TJP2: variants seen among roughly 807,000 people sequenced by gnomAD.
TJP2 encodes the protein Friedreich ataxia region gene X104 (tight junction protein ZO-2).
TJP2 carries 91 observed loss-of-function variants against 133.1 expected under a neutral mutation model. The ratio of observed to expected loss-of-function variants is 0.68; its 90% confidence interval spans 0.58 to 0.81. The LOEUF (loss-of-function observed/expected upper bound fraction) is 0.81. Among genes scored for constraint, TJP2 ranks in the 40% least tolerant of loss-of-function variants. TJP2 has a pLI of 0.00. For synonymous variants in TJP2, 592 were observed against 583.4 expected (o/e 1.01, Z -0.21); for missense variants, 1,541 against 1,565.6 (o/e 0.98, Z 0.26).
chr9:69,253,822 A>G (rs990502253), intron 22 of TJP2: 3 of 303,176 alleles, frequency 9.9e-6, no homozygotes, highest in Non-Finnish European at 1.9e-5. Flanking sequence ...CTTCTTTACC[A>G]GCTGAGTGGT....
At chr9:69,123,109 C>T (rs1014135024) in intron 1 of TJP2, among the ~76,000 whole-genome samples, 5 of 152,116 alleles carry the variant, frequency 3.3e-5, no homozygotes, top group African/African-American at 7.2e-5. Context: ...GAAGTACTGG[C>T]CTAGGTATGT....
intron 1 of TJP2, among the ~76,000 whole-genome samples, chr9:69,192,702 A>G (rs1588018232): frequency 1.3e-5 from 2 of 152,178 alleles, no homozygotes; most frequent in Non-Finnish European, 2.9e-5. Flanking sequence ...TGCATACCCT[A>G]ATGCCAGTTT....
intron 2 of TJP2, among the ~76,000 whole-genome samples, chr9:69,164,854 G>T (rs151184283): frequency 0.1 from 15,554 of 152,090 alleles, 879 homozygotes; most frequent in South Asian, 0.17. Context: ...TTTTGAGATG[G>T]AGTCTTGCTC....
At chr9:69,145,770 G>T in intron 1 of TJP2, 1 of 1,232,072 alleles carries the variant, frequency 8.1e-7, no homozygotes, top group East Asian at 3.2e-5. Flanking sequence ...TAACAAAAGA[G>T]AACTTCTACC....
rs1829248646 is a variant in TJP2 at position 69,225,273 on chromosome 9, A to G, written c.953-31A>G. Reference sequence around the variant, plus strand: ...TAAGTTTTTTGAACAAATTGATAACATACGTGTATGTTTATGTGTTTGTCT... The same window carrying G: ...TAAGTTTTTTGAACAAATTGATAACGTACGTGTATGTTTATGTGTTTGTCT... On this transcript the variant is annotated intron_variant, in intron 5 of 22. Coordinates refer to ENST00000377245, the MANE Select transcript of TJP2 (RefSeq NM_004817.4). 1.1e-5 allele frequency: 15 copies of G among 1,410,452 alleles called. No individual in the cohort carries two copies. In the East Asian group the frequency reaches 3.2e-4, roughly 30 times the overall value. 87.4% of individuals were successfully genotyped at this position (1,410,452 alleles called of 1,614,324 possible). A position where few individuals can be genotyped will look rare whatever the true frequency, so the allele number is the denominator to read the frequency against.
At chr9:69,132,613 T>TA (rs1327477366) in intron 1 of TJP2, among the ~76,000 whole-genome samples, 1 of 152,220 alleles carries the variant, frequency 6.6e-6, no homozygotes, top group Non-Finnish European at 1.5e-5. Flanking sequence ...ATTCATCCAT[T>TA]TATTCATTCT....
chr9:69,133,964 C>CT (rs373885304), intron 1 of TJP2, among the ~76,000 whole-genome samples: 69,675 of 151,768 alleles, frequency 0.46, 16,142 homozygotes, highest in East Asian at 0.62. Context: ...AGTACTTTCT[C>CT]TTTTCTCTCT....
intron 1 of TJP2, among the ~76,000 whole-genome samples, chr9:69,189,881 A>G (rs1826097585): frequency 9.1e-6 from 1 of 109,870 alleles, no homozygotes; most frequent in African/African-American, 3.4e-5. Context: ...GCCGAGGTGG[A>G]CGGATCATGA....
Position 69,246,806 on chromosome 9 carries a change from A to G in TJP2, c.2667+16A>G. The G allele has an allele frequency of 6.2e-7, 1 of 1,607,186 alleles. No homozygotes were observed. The highest frequency in any genetic ancestry group is 1.3e-5 in the African/African-American group (1 of 74,936). On this transcript the variant is annotated intron_variant, in intron 18 of 22. Transcript: ENST00000377245. The stretch of plus-strand genomic sequence containing the variant: ...TGAAGGAAAGGTATGTGGCATAGAT[A>G]TGCTGCTATGAGGTGAGAGTCCCTG...
chr9:69,233,398 ATAT>A (rs537194091), intron 11 of TJP2, among the ~76,000 whole-genome samples: 122 of 152,374 alleles, frequency 8.0e-4, no homozygotes, highest in Admixed American at 1.9e-3. Flanking sequence ...TTTCTACAAA[ATAT>A]TATTAACATA....
At chr9:69,240,280 C>T in intron 17 of TJP2, 133 bp downstream of exon 17, 1 of 940,634 alleles carries the variant, frequency 1.1e-6, no homozygotes, top group Non-Finnish European at 1.6e-6. Context: ...ATAGTTAATC[C>T]TATAAAATGG....
At chr9:69,121,356 A>G (rs1822129282), upstream of TJP2, 5 of 985,214 alleles carry the variant, frequency 5.1e-6, no homozygotes, top group Non-Finnish European at 6.0e-6. Context: ...CTCCGGTCTC[A>G]AGGAAGCAGG....
chr9:69,151,680 C>T (rs770567894), exon 2 of TJP2: 998 of 1,231,898 alleles, frequency 8.1e-4, no homozygotes, highest in Non-Finnish European at 9.5e-4. Flanking sequence ...CTGTCATCTC[C>T]CTGTGAGTGG....
intron 1 of TJP2, among the ~76,000 whole-genome samples, chr9:69,146,567 A>G (rs1379013408): frequency 6.6e-6 from 1 of 152,218 alleles, no homozygotes; most frequent in African/African-American, 2.4e-5. Context: ...AGCAATGTAC[A>G]TTCATTATAG....
intron 4 of TJP2, among the ~76,000 whole-genome samples, chr9:69,219,453 C>T (rs1828642343): frequency 6.6e-6 from 1 of 152,178 alleles, no homozygotes; most frequent in Non-Finnish European, 1.5e-5. Flanking sequence ...AGGAAAGTTA[C>T]AGACATGACA....
chr9:69,254,818 A>G lies in TJP2; in HGVS notation c.*444A>G. ...AAATTCAAAGAAGTACTTTATTGCAACTCTTTTAAGTGCCTTGGATGAGAA... is the reference window on the plus strand; with the variant it reads ...AAATTCAAAGAAGTACTTTATTGCAGCTCTTTTAAGTGCCTTGGATGAGAA... On this transcript the variant is annotated 3_prime_UTR_variant, in exon 23 of 23. Coordinates refer to ENST00000377245, the MANE Select transcript of TJP2 (RefSeq NM_004817.4). 1 of 462,646 alleles carries G rather than the reference A, an allele frequency of 2.2e-6. No individual in the cohort carries two copies. The highest frequency in any genetic ancestry group is 3.8e-6 in the Non-Finnish European group (1 of 264,628). 28.7% of individuals were successfully genotyped at this position (462,646 alleles called of 1,614,324 possible).
rs998383933 is a variant in TJP2 at position 69,153,147 on chromosome 9, C to T, written c.-10+1376C>T. ...ACATGAGAAGCTGAGGTGGGAGGATCGCTTGAGCCCAGGAATTCGAGGCTG... is the reference window on the plus strand; with the variant it reads ...ACATGAGAAGCTGAGGTGGGAGGATTGCTTGAGCCCAGGAATTCGAGGCTG... On this transcript the variant is annotated intron_variant, in intron 2 of 5. Coordinates refer to the TJP2 transcript ENST00000423935. Among the ~76,000 whole-genome samples, 5 of 151,926 alleles carry T rather than the reference C, an allele frequency of 3.3e-5. No individual in the cohort carries two copies. The South Asian group carries it at 6.2e-4, about 19-fold the overall frequency.
chr9:69,231,877 A>G (rs1034140025), intron 11 of TJP2, among the ~76,000 whole-genome samples: 3 of 152,326 alleles, frequency 2.0e-5, no homozygotes, highest in African/African-American at 7.2e-5. Context: ...TGATGAAGGA[A>G]AAAGGCATTT....
At chr9:69,140,323 G>A (rs1171109433) in intron 1 of TJP2, among the ~76,000 whole-genome samples, 1 of 152,166 alleles carries the variant, frequency 6.6e-6, no homozygotes, top group East Asian at 1.9e-4. Flanking sequence ...CTATGAGGTA[G>A]GCACTATTAT....
Sources: gnomAD v4.1 joint callset for allele counts (sites outside exome capture counted in the v4.1 genomes callset) on GRCh38, gnomAD v4.1.1 for gene constraint, MANE v1.5 for transcripts, NCBI Gene and HGNC (gene_info 2026-07-23, HGNC 2026-07-21) for gene names.